SLCO1C1: variants seen among roughly 807,000 people sequenced by gnomAD.
The protein encoded by SLCO1C1 is OAT-RP-5.
SLCO1C1 carries 70 observed loss-of-function variants against 76.4 expected under a neutral mutation model. The ratio of observed to expected loss-of-function variants is 0.92; its 90% CI spans 0.76 to 1.12. The LOEUF (loss-of-function observed/expected upper bound fraction) is 1.12, where lower values mean the gene tolerates loss of function less well. Ranked by LOEUF, SLCO1C1 falls within the 50% of genes most tolerant of loss-of-function variation. SLCO1C1 has a pLI of 0.00. For synonymous variants in SLCO1C1, 306 were observed against 286.1 expected (o/e 1.07, Z -0.70); for missense variants, 912 against 823.8 (o/e 1.11, Z -1.31).
At chr12:20,704,992 C>T (rs1444069067) in intron 3 of SLCO1C1, among the ~76,000 whole-genome samples, 1 of 151,966 alleles carries the variant, frequency 6.6e-6, no homozygotes. Flanking sequence ...ATTACAAATG[C>T]AGATTTCTTG....
intron 4 of SLCO1C1, among the ~76,000 whole-genome samples, chr12:20,708,926 A>C (rs1339103862): frequency 6.6e-6 from 1 of 152,204 alleles, no homozygotes; most frequent in Non-Finnish European, 1.5e-5. Flanking sequence ...AAGTTAGGAC[A>C]ATTACAAGAA....
At position 20,723,159 on chromosome 12, in the gene SLCO1C1, T is replaced by C; in HGVS notation, c.1091T>C (p.Val364Ala). ...VYFLYLCTST[V>A]QFNSLFGMVT... is the part of the protein sequence containing the mutation. Reference sequence around the variant, plus strand: ...TTCCTATATTTATGTACAAGCACTGTTCAGTTCAATTCTCTGTTCGGCATG... The same window carrying C: ...TTCCTATATTTATGTACAAGCACTGCTCAGTTCAATTCTCTGTTCGGCATG... The change falls in exon 9 of 15, where the codon GTT becomes GCT. Residue 364 changes from valine to alanine, a missense_variant. Coordinates refer to ENST00000266509, the MANE Select transcript of SLCO1C1 (RefSeq NM_017435.5). 1.2e-6 allele frequency: 2 copies of C among 1,614,176 alleles called. No individual in the cohort carries two copies. The highest frequency in any genetic ancestry group is 1.7e-6 in the Non-Finnish European group (2 of 1,180,002).
chr12:20,752,284 CAG>C lies in SLCO1C1; in HGVS notation c.1917-18_1917-17del. 1 of 1,444,102 alleles carries C rather than the reference CAG, an allele frequency of 6.9e-7. No homozygotes were observed. Among genetic ancestry groups the C allele is most frequent in the Non-Finnish European group, 9.3e-7 (1 of 1,069,704 alleles). 89.5% of individuals were successfully genotyped at this position (1,444,102 alleles called of 1,614,324 possible). A position where few individuals can be genotyped will look rare whatever the true frequency, so the allele number is the denominator to read the frequency against. ...AAGTTGGTTGTTGCATTAATTATAACAGAGATTCTCTCTTCTTCTAGACATAT... is the reference window on the plus strand; with the variant it reads ...AAGTTGGTTGTTGCATTAATTATAACAGATTCTCTCTTCTTCTAGACATAT... On this transcript the variant is annotated intron_variant, in intron 14 of 14. Coordinates refer to ENST00000266509, the MANE Select transcript of SLCO1C1 (RefSeq NM_017435.5).
chr12:20,731,835 T>C (rs543064649), intron 9 of SLCO1C1, among the ~76,000 whole-genome samples: 1 of 151,780 alleles, frequency 6.6e-6, no homozygotes, highest in African/African-American at 2.4e-5. Context: ...TTCATCTTTG[T>C]AAATCGAATG....
At chr12:20,703,951 G>A (rs1446182935) in intron 3 of SLCO1C1, among the ~76,000 whole-genome samples, 1 of 119,066 alleles carries the variant, frequency 8.4e-6, no homozygotes, top group Non-Finnish European at 1.8e-5. Context: ...TATCTCGAGT[G>A]TGTCTGTGTG....
At chr12:20,723,687 G>C (rs1436269449) in intron 9 of SLCO1C1, among the ~76,000 whole-genome samples, 1 of 152,000 alleles carries the variant, frequency 6.6e-6, no homozygotes, top group South Asian at 2.1e-4. Context: ...TAGTTCAAAG[G>C]GTTGTGTTTC....
chr12:20,736,779 T>TC (rs1174228154), intron 10 of SLCO1C1, among the ~76,000 whole-genome samples: 1 of 152,174 alleles, frequency 6.6e-6, no homozygotes, highest in Admixed American at 6.6e-5. Context: ...TCTAAAAGTT[T>TC]ACTTTTCTAC....
intron 4 of SLCO1C1, among the ~76,000 whole-genome samples, chr12:20,708,963 G>A (rs1057494172): frequency 1.3e-5 from 2 of 152,146 alleles, no homozygotes; most frequent in South Asian, 2.1e-4. Flanking sequence ...AATGAGATGC[G>A]AAGTTTTTAG....
chr12:20,698,070 G>T (rs2120582730), intron 1 of SLCO1C1, among the ~76,000 whole-genome samples: 1 of 152,002 alleles, frequency 6.6e-6, no homozygotes, highest in Non-Finnish European at 1.5e-5. Context: ...TATAGGTAAT[G>T]AATATTTGCT....
intron 12 of SLCO1C1, among the ~76,000 whole-genome samples, chr12:20,740,859 T>A (rs1565541921): frequency 7.0e-6 from 1 of 143,314 alleles, no homozygotes; most frequent in Non-Finnish European, 1.5e-5. Flanking sequence ...GAATTGTCTG[T>A]GGAGGATTTC....
At chr12:20,708,821 C>T (rs977520205) in intron 4 of SLCO1C1, among the ~76,000 whole-genome samples, 17 of 152,122 alleles carry the variant, frequency 1.1e-4, no homozygotes, top group African/African-American at 3.9e-4. Context: ...TCACCCGAGG[C>T]TCTTAGTAAA....
At chr12:20,727,810 C>T (rs373760456) in intron 9 of SLCO1C1, among the ~76,000 whole-genome samples, 4 of 152,046 alleles carry the variant, frequency 2.6e-5, no homozygotes, top group Admixed American at 1.3e-4. Context: ...CGCCCGGCCA[C>T]GTGTTTTCTT....
At chr12:20,699,874 C>T in intron 2 of SLCO1C1, 169 bp downstream of exon 2, 1 of 638,348 alleles carries the variant, frequency 1.6e-6, no homozygotes, top group African/African-American at 1.9e-5. Flanking sequence ...CAATCTCTAC[C>T]TGACCATGTG....
At chr12:20,740,463 T>C in intron 12 of SLCO1C1, 95 bp downstream of exon 12, 1 of 1,159,282 alleles carries the variant, frequency 8.6e-7, no homozygotes, top group Admixed American at 2.6e-5. Flanking sequence ...ATGATTCCTC[T>C]TAGTTTTTTC....
At chr12:20,751,025 A>C in intron 14 of SLCO1C1, 2 of 784,724 alleles carry the variant, frequency 2.5e-6, no homozygotes, top group Non-Finnish European at 3.9e-6. Context: ...TCATTTTTAA[A>C]ATATGACAAA....
At chr12:20,740,679 T>C (rs1438021745) in intron 12 of SLCO1C1, among the ~76,000 whole-genome samples, 4 of 150,484 alleles carry the variant, frequency 2.7e-5, no homozygotes, top group Non-Finnish European at 4.4e-5. Flanking sequence ...ATAATTAGCA[T>C]AGGTAACATG....
rs756979178 is a variant in SLCO1C1 at position 20,732,949 on chromosome 12, T to C, written c.1227T>C (p.Ser409=). The change falls in exon 10 of 15, where the codon TCT becomes TCC. Residue 409 remains serine, a synonymous_variant. Transcript: ENST00000266509. ...CAGCAGTGGCCCTTGGAATATTCTC[T>C]GGGGGGATAGTTATGAAAAAATTCA... The part of the protein sequence containing the change: ...NIPAVALGIF[S]GGIVMKKFRI... 13 of 1,613,912 alleles carry C rather than the reference T, an allele frequency of 8.1e-6. No individual in the cohort carries two copies. Among genetic ancestry groups the C allele is most frequent in the Non-Finnish European group, 1.1e-5 (13 of 1,179,956 alleles).
At chr12:20,712,115 C>CT (rs1290034496) in intron 5 of SLCO1C1, among the ~76,000 whole-genome samples, 6 of 152,040 alleles carry the variant, frequency 3.9e-5, no homozygotes, top group Non-Finnish European at 7.4e-5. Flanking sequence ...CATGTTCATA[C>CT]TTTTTTTTCT....
chr12:20,706,398 G>T (rs1442255994), intron 4 of SLCO1C1, among the ~76,000 whole-genome samples: 1 of 152,064 alleles, frequency 6.6e-6, no homozygotes, highest in Non-Finnish European at 1.5e-5. Context: ...CATGGTAAAT[G>T]TCAAATAGGT....
Sources: allele counts gnomAD v4.1 joint callset (sites outside exome capture counted in the v4.1 genomes callset), GRCh38; gene constraint gnomAD v4.1.1; transcripts MANE v1.5; gene names NCBI Gene and HGNC (gene_info 2026-07-23, HGNC 2026-07-21).